Variants in TSHZ2 observed in about 807,000 individuals in gnomAD.
TSHZ2 encodes teashirt homolog 2.
Under a neutral mutation model 74.4 loss-of-function variants are expected in TSHZ2, and 21 were observed. The ratio of observed to expected loss-of-function variants is 0.28; its 90% CI spans 0.20 to 0.41. The LOEUF (loss-of-function observed/expected upper bound fraction) is 0.41. Among genes scored for constraint, TSHZ2 ranks in the 10% least tolerant of loss-of-function variants. The probability of loss-of-function intolerance (pLI) is 1.00; values close to 1 mark genes in which losing one functional copy is unlikely to be tolerated. For missense variants in TSHZ2, 1,244 were observed against 1,293.5 expected (o/e 0.96, Z 0.59); for synonymous variants, 540 against 515.3 (o/e 1.05, Z -0.65).
intron 2 of TSHZ2, among the ~76,000 whole-genome samples, chr20:53,377,972 A>G (rs1302738910): frequency 1.3e-5 from 2 of 152,146 alleles, no homozygotes; most frequent in East Asian, 1.9e-4. Flanking sequence ...CCACTACGGG[A>G]AATGTGAAGA....
chr20:53,265,698 C>A (rs1200756139), intron 2 of TSHZ2, among the ~76,000 whole-genome samples: 2 of 152,208 alleles, frequency 1.3e-5, no homozygotes, highest in Non-Finnish European at 2.9e-5. Flanking sequence ...AGGTCTGGCC[C>A]ACCTGATGGT....
At position 53,472,729 on chromosome 20, in the gene TSHZ2, A is replaced by G. The variant is rs372356046; in HGVS notation, c.*9-14415A>G. Among the ~76,000 whole-genome samples, 3 of 151,662 alleles carry G rather than the reference A, an allele frequency of 2.0e-5. No individual in the cohort carries two copies. In the East Asian group the frequency reaches 5.9e-4, roughly 30 times the overall value. ...CGACGCAGAAGACGGTGATTTCTGC[A>G]TTTCCATCTGAGGTACCAGGTTCAT... is the stretch of plus-strand genomic sequence containing the variant. On this transcript the variant is annotated intron_variant, in intron 2 of 2. Coordinates refer to ENST00000371497, the MANE Select transcript of TSHZ2 (RefSeq NM_173485.6).
rs6126717 is a variant in TSHZ2 at position 52,995,910 on chromosome 20, T to C, written c.40+22577T>C. On this transcript the variant is annotated intron_variant, in intron 1 of 2. Transcript: ENST00000371497. ...GTGCTAGGATTAAAGGTGTGAGCCA[T>C]TGTGCCCGGCCAAGGTTATTTACTT... Among the ~76,000 whole-genome samples the C allele has an allele frequency of 3.6e-3, 541 of 152,236 alleles. 16 individuals are homozygous for C. The East Asian group carries it at 0.098, about 28-fold the overall frequency.
At chr20:53,399,028 G>T (rs960826470) in intron 2 of TSHZ2, 2 of 152,150 alleles carry the variant, frequency 1.3e-5, no homozygotes, top group Non-Finnish European at 2.9e-5. Context: ...GATGAAGCAG[G>T]CCATTATAGC....
intron 2 of TSHZ2, among the ~76,000 whole-genome samples, chr20:53,268,486 C>T (rs1192688360): frequency 6.6e-6 from 1 of 152,140 alleles, no homozygotes; most frequent in East Asian, 1.9e-4. Context: ...GACTTAGAAA[C>T]AGGATTTGAG....
At chr20:53,282,525 G>A (rs1019137618) in intron 2 of TSHZ2, among the ~76,000 whole-genome samples, 17 of 152,170 alleles carry the variant, frequency 1.1e-4, no homozygotes, top group African/African-American at 3.1e-4. Context: ...TGGGGAAACC[G>A]AGGTTCAGGT....
chr20:53,493,542 T>C lies in TSHZ2; in HGVS notation c.*6407T>C, dbSNP rs966193324. 2.6e-5 allele frequency: 4 copies of C among 152,234 alleles called. No individual in the cohort carries two copies. Among genetic ancestry groups the C allele is most frequent in the African/African-American group, 9.6e-5 (4 of 41,468 alleles). The allele number at this position is 152,234 out of a possible 1,614,324, so 9.4% of individuals were successfully genotyped here. On this transcript the variant is annotated 3_prime_UTR_variant, in exon 3 of 3. Coordinates refer to ENST00000371497, the MANE Select transcript of TSHZ2 (RefSeq NM_173485.6). Reference sequence around the variant, plus strand: ...TTTGAAACATTAGCTTAATTTTGTTTTTATGACCTCAAGATTCTTCTCCTT... The same window carrying C: ...TTTGAAACATTAGCTTAATTTTGTTCTTATGACCTCAAGATTCTTCTCCTT...
At chr20:53,294,607 G>A (rs1991341587) in intron 2 of TSHZ2, among the ~76,000 whole-genome samples, 1 of 151,956 alleles carries the variant, frequency 6.6e-6, no homozygotes, top group Non-Finnish European at 1.5e-5. Flanking sequence ...ATTTTTTCCT[G>A]AGCTTTCAGG....
chr20:53,052,948 G>A (rs747976400), intron 1 of TSHZ2, among the ~76,000 whole-genome samples: 10 of 152,256 alleles, frequency 6.6e-5, no homozygotes, highest in Admixed American at 2.0e-4. Flanking sequence ...GCATGTTCAC[G>A]TAGCTGTGCA....
At chr20:53,053,308 T>TG (rs1259168619) in intron 1 of TSHZ2, among the ~76,000 whole-genome samples, 1 of 152,236 alleles carries the variant, frequency 6.6e-6, no homozygotes, top group Non-Finnish European at 1.5e-5. Context: ...GATGGACATT[T>TG]GGGTTGTTTC....
intron 2 of TSHZ2, among the ~76,000 whole-genome samples, chr20:53,268,886 A>G (rs1990773217): frequency 6.6e-6 from 1 of 152,178 alleles, no homozygotes; most frequent in Non-Finnish European, 1.5e-5. Context: ...CCTGGGTTCA[A>G]ATCCCAGCAG....
At chr20:53,099,785 C>T (rs1284346978) in intron 1 of TSHZ2, among the ~76,000 whole-genome samples, 2 of 152,218 alleles carry the variant, frequency 1.3e-5, no homozygotes, top group African/African-American at 4.8e-5. Context: ...AAACTGCCCC[C>T]ATGATTCAAT....
intron 2 of TSHZ2, among the ~76,000 whole-genome samples, chr20:53,300,508 T>C (rs1414292176): frequency 6.6e-6 from 1 of 152,254 alleles, no homozygotes; most frequent in African/African-American, 2.4e-5. Context: ...GTTAGTATTT[T>C]CTTTCTCCTT....
At chr20:53,472,828 G>C (rs538136817) in intron 2 of TSHZ2, among the ~76,000 whole-genome samples, 2 of 152,074 alleles carry the variant, frequency 1.3e-5, no homozygotes, top group East Asian at 2.0e-4. Flanking sequence ...AGCAGGGTGA[G>C]GCATTGCCTC....
chr20:53,389,904 G>A (rs1831470059), intron 2 of TSHZ2, among the ~76,000 whole-genome samples: 1 of 152,190 alleles, frequency 6.6e-6, no homozygotes, highest in African/African-American at 2.4e-5. Flanking sequence ...GGTTGAAAAA[G>A]CCTTTTCGTC....
intron 2 of TSHZ2, among the ~76,000 whole-genome samples, chr20:53,294,655 A>T (rs933962955): frequency 6.6e-6 from 1 of 152,184 alleles, no homozygotes; most frequent in Non-Finnish European, 1.5e-5. Flanking sequence ...ATTCCCATTT[A>T]AAAAGCATTT....
chr20:53,277,260 TA>T (rs143866952), intron 2 of TSHZ2, among the ~76,000 whole-genome samples: 12,039 of 152,230 alleles, frequency 0.079, 508 homozygotes, highest in South Asian at 0.088. Flanking sequence ...AAGCAATGGT[TA>T]AAACTGTTCA....
At chr20:53,088,291 A>G (rs1464469762) in intron 1 of TSHZ2, among the ~76,000 whole-genome samples, 1 of 152,192 alleles carries the variant, frequency 6.6e-6, no homozygotes. Context: ...AATGTACACA[A>G]TTCTGCTCTC....
intron 1 of TSHZ2, among the ~76,000 whole-genome samples, chr20:52,986,329 G>C (rs1413630086): frequency 6.6e-6 from 1 of 151,282 alleles, no homozygotes; most frequent in Admixed American, 6.6e-5. Flanking sequence ...TTGAACCCGG[G>C]AGGCGGAGGT....
Sources: allele counts gnomAD v4.1 joint callset (sites outside exome capture counted in the v4.1 genomes callset), GRCh38; gene constraint gnomAD v4.1.1; transcripts MANE v1.5; gene names NCBI Gene and HGNC (gene_info 2026-07-23, HGNC 2026-07-21).